The following STRN3 variants were observed in gnomAD, a reference collection of about 807,000 sequenced individuals.
STRN3 encodes the protein striatin 3.
STRN3 carries 29 observed loss-of-function variants against 95.6 expected under a neutral mutation model. The ratio of observed to expected loss-of-function variants is 0.30; its 90% confidence interval spans 0.23 to 0.41. STRN3 has a LOEUF of 0.41. Among genes scored for constraint, STRN3 ranks in the 10% least tolerant of loss-of-function variants. STRN3 has a pLI of 1.00. For missense variants in STRN3, 890 were observed against 972.1 expected (o/e 0.92, Z 1.12); for synonymous variants, 331 against 357.6 (o/e 0.93, Z 0.84).
At chr14:31,025,063 G>C (rs1337991723) in intron 1 of STRN3, 4 of 152,252 alleles carry the variant, frequency 2.6e-5, no homozygotes, top group African/African-American at 9.6e-5. Flanking sequence ...TCCTGCAAGA[G>C]TAAGTAACAT....
In STRN3 at chr14:30,985,453, A is replaced by G. The variant is rs140405496; in HGVS notation, c.283-29211T>C. Reference sequence around the variant, plus strand: ...ACCCCGTCTCTACTAAAAATACAAAAAGTAGCCAGGCATGGTGGCGCATGC... The same window carrying G: ...ACCCCGTCTCTACTAAAAATACAAAGAGTAGCCAGGCATGGTGGCGCATGC... On this transcript the variant is annotated intron_variant, in intron 1 of 17. Coordinates refer to ENST00000357479, the MANE Select transcript of STRN3 (RefSeq NM_001083893.2). 5.8e-3 allele frequency among the ~76,000 whole-genome samples: 877 copies of G among 152,122 alleles called. 6 individuals are homozygous for G. The highest frequency in any genetic ancestry group is 0.02 in the African/African-American group (831 of 41,472).
intron 7 of STRN3, among the ~76,000 whole-genome samples, chr14:30,931,704 C>T (rs1394576401): frequency 3.9e-5 from 6 of 152,186 alleles, no homozygotes; most frequent in Non-Finnish European, 7.4e-5. Context: ...GAAATGCCAA[C>T]TATTGCTTTT....
chr14:30,980,241 T>A (rs1212248499), intron 1 of STRN3, among the ~76,000 whole-genome samples: 1 of 151,720 alleles, frequency 6.6e-6, no homozygotes, highest in Non-Finnish European at 1.5e-5. Context: ...CAAGACTCTG[T>A]ATGGGGGCGG....
At chr14:30,973,656 A>G (rs1880948286) in intron 1 of STRN3, among the ~76,000 whole-genome samples, 1 of 152,186 alleles carries the variant, frequency 6.6e-6, no homozygotes, top group African/African-American at 2.4e-5. Flanking sequence ...CCAAAGGCAG[A>G]CAAAGACACT....
chr14:30,998,431 G>A (rs575881758), intron 1 of STRN3, among the ~76,000 whole-genome samples: 2 of 152,270 alleles, frequency 1.3e-5, no homozygotes, highest in South Asian at 4.2e-4. Flanking sequence ...AACCTAGAAG[G>A]CCATACTCAT....
chr14:30,955,630 G>C lies in STRN3; in HGVS notation c.450C>G (p.Thr150=), dbSNP rs768945595. Residue 150 remains threonine, a synonymous_variant, in exon 3 of 18, where the codon ACC becomes ACG. Coordinates refer to ENST00000357479, the MANE Select transcript of STRN3 (RefSeq NM_001083893.2). ...AAGAAGCAAGTTTACCTGACTCAAA[G>C]GTTGGCATTTTCAAGTCACCTTGGT... ...ELNQGDLKMP[T]FESEETKDTE... 4.5e-5 allele frequency: 71 copies of C among 1,573,236 alleles called. No individual in the cohort carries two copies. Among genetic ancestry groups the C allele is most frequent in the Non-Finnish European group, 6.0e-5 (70 of 1,167,536 alleles).
intron 1 of STRN3, chr14:31,018,526 G>A: frequency 2.3e-6 from 1 of 427,900 alleles, no homozygotes; most frequent in South Asian, 1.7e-5. Context: ...AAACAACTAT[G>A]GTAAAGGACA....
chr14:30,945,550 G>A (rs1386122501), intron 5 of STRN3, among the ~76,000 whole-genome samples: 3 of 152,104 alleles, frequency 2.0e-5, no homozygotes, highest in African/African-American at 7.2e-5. Flanking sequence ...AGGCTTCAGT[G>A]AGCCGTGATC....
intron 1 of STRN3, among the ~76,000 whole-genome samples, chr14:30,990,107 G>C (rs188239842): frequency 6.6e-6 from 1 of 150,998 alleles, no homozygotes; most frequent in East Asian, 1.9e-4. Flanking sequence ...GAGTTAAAGA[G>C]AAGTAACAGT....
chr14:31,024,976 G>A (rs963954518), intron 1 of STRN3: 5 of 152,210 alleles, frequency 3.3e-5, no homozygotes, highest in Admixed American at 2.6e-4. Flanking sequence ...CAAATGTGCA[G>A]CCTATCAAAG....
At chr14:31,000,643 G>C (rs747021766) in intron 1 of STRN3, among the ~76,000 whole-genome samples, 1 of 152,006 alleles carries the variant, frequency 6.6e-6, no homozygotes, top group African/African-American at 2.4e-5. Flanking sequence ...CTTCCCCAGG[G>C]ACCCTGTTTA....
At chr14:30,931,060 G>A (rs75339257) in intron 7 of STRN3, among the ~76,000 whole-genome samples, 2,787 of 152,090 alleles carry the variant, frequency 0.018, 76 homozygotes, top group African/African-American at 0.063. Context: ...TCTAACTATA[G>A]TTGACAAAGA....
At chr14:30,981,607 C>CACACACACA (rs1555323903) in intron 1 of STRN3, among the ~76,000 whole-genome samples, 17 of 149,908 alleles carry the variant, frequency 1.1e-4, no homozygotes, top group South Asian at 6.4e-4. Flanking sequence ...CACACACACA[C>CACACACACA]CCCATAATTC....
intron 1 of STRN3, among the ~76,000 whole-genome samples, chr14:30,998,180 T>C (rs1481209257): frequency 6.6e-6 from 1 of 152,198 alleles, no homozygotes; most frequent in African/African-American, 2.4e-5. Context: ...GGTGGTTCTG[T>C]GGAAGACTAC....
intron 1 of STRN3, among the ~76,000 whole-genome samples, chr14:31,019,987 C>T (rs179730): frequency 1 from 151,808 of 151,812 alleles, 75,902 homozygotes; most frequent in Middle Eastern, 1. Flanking sequence ...CCTCCCAAAG[C>T]GCTGGGATTA....
At chr14:31,006,073 C>T (rs79940597) in intron 1 of STRN3, among the ~76,000 whole-genome samples, 2 of 146,906 alleles carry the variant, frequency 1.4e-5, no homozygotes, top group African/African-American at 2.5e-5. Context: ...AAGCCGAGAT[C>T]GCGCCACTGC....
At chr14:30,898,503 C>T (rs1023306803) in intron 16 of STRN3, among the ~76,000 whole-genome samples, 1 of 152,206 alleles carries the variant, frequency 6.6e-6, no homozygotes, top group African/African-American at 2.4e-5. Flanking sequence ...GTTAACCCTT[C>T]TTCTCCACAG....
intron 9 of STRN3, among the ~76,000 whole-genome samples, chr14:30,916,017 C>G (rs7140646): frequency 0.87 from 132,041 of 152,168 alleles, 57,534 homozygotes; most frequent in East Asian, 0.98. Context: ...TATTTATGTA[C>G]CTATTGCAAG....
At chr14:30,995,032 TA>T (rs1400932271) in intron 1 of STRN3, among the ~76,000 whole-genome samples, 1 of 152,210 alleles carries the variant, frequency 6.6e-6, no homozygotes, top group African/African-American at 2.4e-5. Flanking sequence ...GATAAAATAC[TA>T]AATGTTTAAG....
Sources: gnomAD v4.1 joint callset for allele counts (sites outside exome capture counted in the v4.1 genomes callset) on GRCh38, gnomAD v4.1.1 for gene constraint, MANE v1.5 for transcripts, NCBI Gene and HGNC (gene_info 2026-07-23, HGNC 2026-07-21) for gene names.